ELAC1: variants seen among roughly 807,000 people sequenced by gnomAD.
The protein encoded by ELAC1 is zinc phosphodiesterase ELAC protein 1.
ELAC1 carries 19 observed loss-of-function variants against 25.8 expected under a neutral mutation model. The ratio of observed to expected loss-of-function variants is 0.74; its 90% confidence interval spans 0.51 to 1.08. ELAC1 has a LOEUF of 1.08. ELAC1 is among the 50% of genes least tolerant of loss of function. The pLI, the probability that ELAC1 is intolerant of heterozygous loss-of-function variation, is 0.00. For synonymous variants in ELAC1, 148 were observed against 160.9 expected (o/e 0.92, Z 0.61); for missense variants, 403 against 434.6 (o/e 0.93, Z 0.65).
intron 3 of ELAC1, chr18:50,984,943 A>T (rs560721939): frequency 3.5e-5 from 9 of 260,860 alleles, no homozygotes; most frequent in Admixed American, 1.0e-4. Flanking sequence ...AAAAAAAAAA[A>T]GTGTCATAGT....
At chr18:50,978,137 A>G (rs1907844092) in intron 2 of ELAC1, among the ~76,000 whole-genome samples, 1 of 152,110 alleles carries the variant, frequency 6.6e-6, no homozygotes, top group South Asian at 2.1e-4. Context: ...AGTCTCTAGG[A>G]AATTCTAAAC....
rs1907546072 is a variant in ELAC1 at position 50,968,064 on chromosome 18, GGGTGCGGGCC to G, written c.-58_-49del. ...TGTAGCCCCGCGGACAGCTGGGCCA[GGGTGCGGGCC>G]TGCGCCTCCCTCGGCTCCTGGCGCG... On this transcript the variant is annotated 5_prime_UTR_variant, in exon 1 of 4. Transcript: ENST00000269466. 2.6e-5 allele frequency: 4 copies of G among 152,048 alleles called. No homozygotes were observed. Among genetic ancestry groups the G allele is most frequent in the Admixed American group, 2.0e-4 (3 of 15,266 alleles). The allele number at this position is 152,048 out of a possible 1,614,324, so 9.4% of individuals were successfully genotyped here.
chr18:50,971,726 A>G (rs1008309403), intron 1 of ELAC1, among the ~76,000 whole-genome samples: 10 of 151,500 alleles, frequency 6.6e-5, no homozygotes, highest in African/African-American at 2.4e-4. Context: ...TCCACTAACT[A>G]CCTGGAGACT....
Position 50,987,203 on chromosome 18 carries a change from G to T in ELAC1, c.*118G>T. On this transcript the variant is annotated 3_prime_UTR_variant, in exon 4 of 4. Transcript: ENST00000269466. ...ATTTGGGCCCTAATAATCCTAAAAAGAATGGAGCTGCATTGATGAATTGGC... is the reference window on the plus strand; with the variant it reads ...ATTTGGGCCCTAATAATCCTAAAAATAATGGAGCTGCATTGATGAATTGGC... The T allele has an allele frequency of 1.4e-6, 1 of 715,736 alleles. No homozygotes were observed. The highest frequency in any genetic ancestry group is 2.1e-6 in the Non-Finnish European group (1 of 477,706). The allele number at this position is 715,736 out of a possible 1,614,324, so 44.3% of individuals were successfully genotyped here.
chr18:50,988,053 A>C lies in ELAC1; in HGVS notation c.*968A>C, dbSNP rs1908160159. On this transcript the variant is annotated 3_prime_UTR_variant, in exon 4 of 4. Coordinates refer to ENST00000269466, the MANE Select transcript of ELAC1 (RefSeq NM_018696.3). The stretch of plus-strand genomic sequence containing the variant: ...GTGAAGCTTATGAACCTGGAGGTAA[A>C]AAATGCTTATCTGTTAAACTGAGGT... 1 of 152,208 alleles carries C rather than the reference A, an allele frequency of 6.6e-6. No individual in the cohort carries two copies. Among genetic ancestry groups the C allele is most frequent in the African/African-American group, 2.4e-5 (1 of 41,452 alleles). 9.4% of individuals were successfully genotyped at this position (152,208 alleles called of 1,614,324 possible).
chr18:50,984,246 T>C lies in ELAC1; in HGVS notation c.308T>C (p.Ile103Thr). 1 of 1,614,168 alleles carries C rather than the reference T, an allele frequency of 6.2e-7. No individual in the cohort carries two copies. The highest frequency in any genetic ancestry group is 8.5e-7 in the Non-Finnish European group (1 of 1,180,020). Residue 103 changes from isoleucine to threonine, a missense_variant, in exon 3 of 4, where the codon ATC becomes ACC. Ile to Thr is a moderately conservative substitution (Grantham distance 89). Transcript: ENST00000269466. ...IYGPVGLRDF[I>T]WRTMELSHTE... ...GGCCCTGTAGGGCTTCGGGACTTTA[T>C]CTGGCGAACCATGGAACTCTCTCAC... is the stretch of plus-strand genomic sequence containing the variant.
At chr18:50,979,044 C>T (rs2027735) in intron 2 of ELAC1, among the ~76,000 whole-genome samples, 56,571 of 152,060 alleles carry the variant, frequency 0.37, 10,679 homozygotes, top group East Asian at 0.45. Flanking sequence ...AGAGACTTGA[C>T]AGTTAACATT....
Position 50,974,510 on chromosome 18 carries a change from G to A in ELAC1, c.106G>A (p.Asp36Asn). 1 of 1,613,376 alleles carries A rather than the reference G, an allele frequency of 6.2e-7. No individual in the cohort carries two copies. Among genetic ancestry groups the A allele is most frequent in the Non-Finnish European group, 8.5e-7 (1 of 1,179,710 alleles). ...GTGTGAAGGCGAGTGCTGGCTCTTT[G>A]ACTGTGGGGAGGGAACACAGACACA... The part of the protein sequence containing the change: ...LRCEGECWLF[D>N]CGEGTQTQLM... Residue 36 changes from aspartate (D) to asparagine (N), a missense_variant, in exon 2 of 4, where the codon GAC (aspartate) becomes AAC (asparagine). Asp to Asn is a conservative substitution (Grantham distance 23, BLOSUM62 1). Coordinates refer to ENST00000269466, the MANE Select transcript of ELAC1 (RefSeq NM_018696.3).
At chr18:50,982,916 G>A (rs979951067) in intron 2 of ELAC1, among the ~76,000 whole-genome samples, 5 of 151,750 alleles carry the variant, frequency 3.3e-5, no homozygotes, top group African/African-American at 7.3e-5. Flanking sequence ...CAAGCAGGCC[G>A]TGACTTGATT....
At chr18:50,976,131 G>A (rs569988862) in intron 2 of ELAC1, among the ~76,000 whole-genome samples, 79 of 152,252 alleles carry the variant, frequency 5.2e-4, no homozygotes, top group Admixed American at 9.8e-4. Flanking sequence ...AGACTTTATT[G>A]TTCTACTGGG....
intron 1 of ELAC1, among the ~76,000 whole-genome samples, chr18:50,972,840 G>A (rs951531858): frequency 2.0e-5 from 3 of 152,106 alleles, no homozygotes; most frequent in African/African-American, 7.2e-5. Flanking sequence ...AGAAAAGCAG[G>A]TCACCACTCA....
At chr18:50,974,084 C>T (rs932933312) in intron 1 of ELAC1, among the ~76,000 whole-genome samples, 6 of 152,192 alleles carry the variant, frequency 3.9e-5, no homozygotes, top group African/African-American at 1.4e-4. Context: ...CACTAGCAAG[C>T]ACGATTTTTA....
intron 2 of ELAC1, among the ~76,000 whole-genome samples, chr18:50,982,995 T>C (rs1907994660): frequency 6.6e-6 from 1 of 152,034 alleles, no homozygotes; most frequent in Non-Finnish European, 1.5e-5. Context: ...GTCCAGTCAG[T>C]TGGAGCCAGT....
chr18:50,987,025 T>G lies in ELAC1; in HGVS notation c.1032T>G (p.Asp344Glu), dbSNP rs1432632027. The G allele has an allele frequency of 6.9e-6, 11 of 1,602,158 alleles. No individual in the cohort carries two copies. The highest frequency in any genetic ancestry group is 8.5e-6 in the Non-Finnish European group (10 of 1,175,318). ...AAAAGCAAGCTGAATCAGTGTTAGA[T>G]CTCCAAGAAGTGACTCTAGCAGAAG... ...ELKKQAESVL[D>E]LQEVTLAEDF... Residue 344 changes from aspartate (D) to glutamate (E), a missense_variant, in exon 4 of 4, where the codon GAT (aspartate) becomes GAG (glutamate). Transcript: ENST00000269466.
At chr18:50,983,902 T>G (rs1406097602) in intron 2 of ELAC1, among the ~76,000 whole-genome samples, 194 bp from the exon 3 acceptor site, 1 of 151,874 alleles carries the variant, frequency 6.6e-6, no homozygotes, top group Admixed American at 6.6e-5. Flanking sequence ...AACCACCTGG[T>G]GAAATAAAGC....
chr18:50,975,369 T>C (rs151149593), intron 2 of ELAC1, among the ~76,000 whole-genome samples: 1 of 152,100 alleles, frequency 6.6e-6, no homozygotes, highest in East Asian at 1.9e-4. Flanking sequence ...ATTAAGTAGT[T>C]CCTCTCTCAC....
chr18:50,978,850 G>A (rs980362099), intron 2 of ELAC1, among the ~76,000 whole-genome samples: 1 of 152,226 alleles, frequency 6.6e-6, no homozygotes, highest in African/African-American at 2.4e-5. Flanking sequence ...AGAGTTGTTG[G>A]AGGAAGGAGC....
chr18:50,977,138 C>G (rs967307209), intron 2 of ELAC1, among the ~76,000 whole-genome samples: 2 of 152,204 alleles, frequency 1.3e-5, no homozygotes, highest in Non-Finnish European at 2.9e-5. Context: ...TCCATGCACA[C>G]AGTGTAAGCT....
intron 2 of ELAC1, among the ~76,000 whole-genome samples, chr18:50,976,777 A>T (rs752547007): frequency 2.6e-5 from 4 of 152,218 alleles, no homozygotes; most frequent in Non-Finnish European, 5.9e-5. Context: ...CCAAAGTCTC[A>T]TCTGAAACAA....
Sources: gnomAD v4.1 joint callset for allele counts (sites outside exome capture counted in the v4.1 genomes callset) on GRCh38, gnomAD v4.1.1 for gene constraint, MANE v1.5 for transcripts, NCBI Gene and HGNC (gene_info 2026-07-23, HGNC 2026-07-21) for gene names.